Variants in ABTB3 observed in about 807,000 individuals in gnomAD.
The protein encoded by ABTB3 is ankyrin repeat- and BTB/POZ domain-containing protein 3.
At chr12:107,389,846 T>TG in the ABTB3 span, among the ~76,000 whole-genome samples, 639 of 141,564 alleles carry the variant, frequency 4.5e-3, 7 homozygotes, top group African/African-American at 0.013. Context: ...GTGTGTGTGT[T>TG]TGTGTGTGTG....
the ABTB3 span, chr12:107,635,441 C>T: frequency 2.3e-5 from 35 of 1,548,392 alleles, no homozygotes; most frequent in Middle Eastern, 1.8e-4. Context: ...GATTTAAGGA[C>T]GAGGAGCCAA....
chr12:107,511,622 C>T, the ABTB3 span, among the ~76,000 whole-genome samples: 2 of 152,172 alleles, frequency 1.3e-5, no homozygotes, highest in Non-Finnish European at 2.9e-5. Flanking sequence ...TTGAAGCCTA[C>T]ACTTGGAACT....
the ABTB3 span, among the ~76,000 whole-genome samples, chr12:107,603,484 T>C: frequency 6.6e-6 from 1 of 152,168 alleles, no homozygotes; most frequent in Non-Finnish European, 1.5e-5. Flanking sequence ...GGACGCTCTC[T>C]TCAGTAAAAG....
chr12:107,439,224 T>A, the ABTB3 span, among the ~76,000 whole-genome samples: 5 of 152,200 alleles, frequency 3.3e-5, no homozygotes, highest in African/African-American at 9.7e-5. Flanking sequence ...AATTTAACCT[T>A]AGCCAGACAT....
At chr12:107,322,443 TCATA>T in the ABTB3 span, among the ~76,000 whole-genome samples, 1 of 152,224 alleles carries the variant, frequency 6.6e-6, no homozygotes, top group Non-Finnish European at 1.5e-5. Context: ...GGTATTGGAA[TCATA>T]CATTAAACAT....
the ABTB3 span, among the ~76,000 whole-genome samples, chr12:107,636,295 T>C: frequency 6.6e-6 from 1 of 152,206 alleles, no homozygotes; most frequent in Non-Finnish European, 1.5e-5. Flanking sequence ...ATTAGGCTGC[T>C]TTGAGGCCTG....
chr12:107,431,294 C>A, the ABTB3 span, among the ~76,000 whole-genome samples: 1 of 152,206 alleles, frequency 6.6e-6, no homozygotes, highest in South Asian at 2.1e-4. Flanking sequence ...CCCAGGAGGT[C>A]TGATACATAG....
At chr12:107,405,263 A>C in the ABTB3 span, among the ~76,000 whole-genome samples, 5 of 152,208 alleles carry the variant, frequency 3.3e-5, no homozygotes, top group South Asian at 1.0e-3. Flanking sequence ...CTGCACAACC[A>C]AAACGGTGGC....
chr12:107,553,432 A>T, the ABTB3 span, among the ~76,000 whole-genome samples: 3 of 152,320 alleles, frequency 2.0e-5, no homozygotes, highest in African/African-American at 7.2e-5. Context: ...GGGCAACTCT[A>T]TAAGTATCAC....
At chr12:107,349,923 C>G in the ABTB3 span, among the ~76,000 whole-genome samples, 1 of 152,184 alleles carries the variant, frequency 6.6e-6, no homozygotes, top group African/African-American at 2.4e-5. Context: ...TCCATTTGAG[C>G]TCCTAAGAAT....
the ABTB3 span, among the ~76,000 whole-genome samples, chr12:107,417,188 G>C: frequency 3.3e-5 from 5 of 152,184 alleles, no homozygotes; most frequent in African/African-American, 7.2e-5. Flanking sequence ...TCATTGATTG[G>C]TTAAAAGCAC....
At chr12:107,342,859 C>A in the ABTB3 span, among the ~76,000 whole-genome samples, 5 of 152,138 alleles carry the variant, frequency 3.3e-5, no homozygotes, top group African/African-American at 1.2e-4. Context: ...TCCTTTGAAC[C>A]CCCGTAGGCT....
chr12:107,493,462 T>C, the ABTB3 span, among the ~76,000 whole-genome samples: 4 of 152,170 alleles, frequency 2.6e-5, no homozygotes, highest in Non-Finnish European at 4.4e-5. Flanking sequence ...GCCCCATGTG[T>C]TAGAACCTTC....
chr12:107,578,337 T>G, the ABTB3 span, among the ~76,000 whole-genome samples: 1 of 150,550 alleles, frequency 6.6e-6, no homozygotes, highest in East Asian at 2.0e-4. Context: ...GCTGTCTTGG[T>G]AAAGGTGTTA....
the ABTB3 span, among the ~76,000 whole-genome samples, chr12:107,508,648 G>A: frequency 1.3e-5 from 2 of 151,682 alleles, no homozygotes; most frequent in African/African-American, 4.8e-5. Flanking sequence ...TAGAGACAGA[G>A]TTTAGTAGCC....
the ABTB3 span, among the ~76,000 whole-genome samples, chr12:107,382,630 A>G: frequency 3.2e-4 from 48 of 152,266 alleles, no homozygotes; most frequent in African/African-American, 1.2e-3. Context: ...TGAAGCTGGA[A>G]ACCATCATCC....
At chr12:107,461,063 G>A in the ABTB3 span, among the ~76,000 whole-genome samples, 1 of 152,136 alleles carries the variant, frequency 6.6e-6, no homozygotes, top group Non-Finnish European at 1.5e-5. Flanking sequence ...ATGGCAGAAG[G>A]CAAAGGAGAA....
the ABTB3 span, chr12:107,610,097 A>T: frequency 6.8e-7 from 1 of 1,463,380 alleles, no homozygotes; most frequent in Admixed American, 1.8e-5. Flanking sequence ...CATGAAAAGC[A>T]AATGCAATGT....
the ABTB3 span, among the ~76,000 whole-genome samples, chr12:107,426,232 G>A: frequency 6.6e-6 from 1 of 152,196 alleles, no homozygotes; most frequent in African/African-American, 2.4e-5. Flanking sequence ...GTAGTGGCCC[G>A]CTGGCCCCAT....
Sources: gnomAD v4.1 joint callset for allele counts (sites outside exome capture counted in the v4.1 genomes callset) on GRCh38, gnomAD v4.1.1 for gene constraint, MANE v1.5 for transcripts, NCBI Gene and HGNC (gene_info 2026-07-23, HGNC 2026-07-21) for gene names.